The following UGT1A6 variants were observed in gnomAD, a reference collection of about 807,000 sequenced individuals.
The protein encoded by UGT1A6 is UDP glucuronosyltransferase family 1 member A6.
A neutral mutation model predicts 44.4 loss-of-function variants in UGT1A6; 32 were observed. The observed-to-expected ratio is 0.72, with a 90% CI of 0.54 to 0.97. The LOEUF (loss-of-function observed/expected upper bound fraction) is 0.97, where lower values mean the gene tolerates loss of function less well. Among genes scored for constraint, UGT1A6 ranks in the 50% least tolerant of loss-of-function variants. UGT1A6 has a pLI of 0.00. For missense variants in UGT1A6, 685 were observed against 661.9 expected (o/e 1.03, Z -0.38); for synonymous variants, 238 against 248.5 (o/e 0.96, Z 0.40).
intron 1 of UGT1A6, among the ~76,000 whole-genome samples, chr2:233,727,500 G>A (rs1156427094): frequency 6.6e-6 from 1 of 152,198 alleles, no homozygotes; most frequent in Non-Finnish European, 1.5e-5. Flanking sequence ...GAACATGGGA[G>A]CCCATGAATG....
chr2:233,747,590 G>A, intron 1 of UGT1A6: 3 of 1,576,970 alleles, frequency 1.9e-6, no homozygotes, highest in Non-Finnish European at 2.6e-6. Context: ...TCTTTCATAG[G>A]TCTTGTGTGG....
chr2:233,759,341 G>A (rs1697111060), intron 1 of UGT1A6, among the ~76,000 whole-genome samples: 1 of 152,134 alleles, frequency 6.6e-6, no homozygotes, highest in Non-Finnish European at 1.5e-5. Context: ...GTTCAGGTGA[G>A]CGCTGAAAAT....
upstream of UGT1A6, chr2:233,692,753 T>G: frequency 8.8e-7 from 1 of 1,135,016 alleles, no homozygotes. Context: ...AGCAGACTTG[T>G]GGAGCTGAAG....
At chr2:233,733,656 C>T (rs1449340604) in intron 1 of UGT1A6, among the ~76,000 whole-genome samples, 11 of 152,054 alleles carry the variant, frequency 7.2e-5, no homozygotes, top group African/African-American at 1.7e-4. Context: ...AGGATGAAGC[C>T]GACTTGATCG....
chr2:233,739,695 T>C (rs1691176781), intron 1 of UGT1A6, among the ~76,000 whole-genome samples: 1 of 152,230 alleles, frequency 6.6e-6, no homozygotes, highest in African/African-American at 2.4e-5. Flanking sequence ...TTTTTGATTT[T>C]ACAGGCTCAT....
At chr2:233,753,560 A>T (rs949425107) in intron 1 of UGT1A6, 1 of 152,242 alleles carries the variant, frequency 6.6e-6, no homozygotes, top group African/African-American at 2.4e-5. Flanking sequence ...TGACCCTAGA[A>T]GATGGGACCC....
chr2:233,763,254 T>C (rs1698269941), intron 1 of UGT1A6, among the ~76,000 whole-genome samples: 1 of 152,240 alleles, frequency 6.6e-6, no homozygotes, highest in Non-Finnish European at 1.5e-5. Context: ...TAGTAACCTG[T>C]TTTGTCTTGT....
intron 2 of UGT1A6, 91 bp from the exon 3 acceptor site, chr2:233,767,758 G>A: frequency 6.2e-7 from 1 of 1,604,004 alleles, no homozygotes. Context: ...TGTTCCTTCA[G>A]AGGACCCCTG....
chr2:233,727,759 G>T (rs2077649754), intron 1 of UGT1A6, among the ~76,000 whole-genome samples: 1 of 152,172 alleles, frequency 6.6e-6, no homozygotes. Flanking sequence ...CTGCCCTTGA[G>T]CTGGGTGTCC....
intron 4 of UGT1A6, among the ~76,000 whole-genome samples, chr2:233,768,711 T>G (rs2126041058): frequency 6.6e-6 from 1 of 151,246 alleles, no homozygotes; most frequent in South Asian, 2.1e-4. Flanking sequence ...AGCCTCCGTG[T>G]AGCTGGGATT....
At chr2:233,722,092 G>C (rs2076989612) in intron 1 of UGT1A6, 1 of 213,864 alleles carries the variant, frequency 4.7e-6, no homozygotes, top group African/African-American at 2.3e-5. Context: ...GATCACCTTA[G>C]GCCTCTTAGA....
intron 1 of UGT1A6, among the ~76,000 whole-genome samples, chr2:233,744,685 T>C (rs1692890031): frequency 6.6e-6 from 1 of 151,898 alleles, no homozygotes; most frequent in Non-Finnish European, 1.5e-5. Flanking sequence ...CCCATGTAGC[T>C]TCTGGAAAAC....
chr2:233,721,590 T>A (rs2076956234), intron 1 of UGT1A6: 1 of 172,476 alleles, frequency 5.8e-6, no homozygotes, highest in African/African-American at 2.4e-5. Context: ...TGCAACCTCA[T>A]CCTCAGGTTT....
At chr2:233,700,037 A>T (rs1478316932) in intron 1 of UGT1A6, among the ~76,000 whole-genome samples, 1 of 152,206 alleles carries the variant, frequency 6.6e-6, no homozygotes, top group Non-Finnish European at 1.5e-5. Context: ...ACTCTGATCT[A>T]AATCAATTCC....
At chr2:233,709,447 T>C (rs756561648) in intron 1 of UGT1A6, among the ~76,000 whole-genome samples, 19 of 152,250 alleles carry the variant, frequency 1.2e-4, no homozygotes, top group Non-Finnish European at 2.2e-4. Flanking sequence ...ACCTGCCGAC[T>C]TTTAAAGCAA....
At chr2:233,701,296 C>G (rs2075621546) in intron 1 of UGT1A6, among the ~76,000 whole-genome samples, 1 of 152,150 alleles carries the variant, frequency 6.6e-6, no homozygotes, top group Non-Finnish European at 1.5e-5. Flanking sequence ...AATCGCCACA[C>G]TGTCTTCCAC....
Position 233,754,852 on chromosome 2 carries a change from G to C in UGT1A6, c.862-12182G>C, listed in dbSNP as rs193246215. The C allele has an allele frequency of 1.8e-5, 24 of 1,345,428 alleles. No homozygotes were observed. In the Middle Eastern group the frequency reaches 8.4e-4, roughly 47 times the overall value. The allele number at this position is 1,345,428 out of a possible 1,614,324, so 83.3% of individuals were successfully genotyped here. ...GGAAATTCACTGAAGGCAGAGAAAA[G>C]GGGTGCAGACCCTCTGCTTCTGCTT... On this transcript the variant is annotated intron_variant, in intron 1 of 4. Coordinates refer to ENST00000305139, the MANE Select transcript of UGT1A6 (RefSeq NM_001072.4).
chr2:233,705,516 G>T (rs769825689), intron 1 of UGT1A6, among the ~76,000 whole-genome samples: 10 of 152,152 alleles, frequency 6.6e-5, no homozygotes, highest in Non-Finnish European at 1.5e-4. Flanking sequence ...AATCAGGGTG[G>T]GGAGATTACC....
chr2:233,724,362 A>G (rs1231465010), intron 1 of UGT1A6, among the ~76,000 whole-genome samples: 2 of 144,194 alleles, frequency 1.4e-5, no homozygotes, highest in Non-Finnish European at 1.5e-5. Flanking sequence ...TCCCTCCCGG[A>G]CGGGGTGGCT....
Sources: allele counts gnomAD v4.1 joint callset (sites outside exome capture counted in the v4.1 genomes callset), GRCh38; gene constraint gnomAD v4.1.1; transcripts MANE v1.5; gene names NCBI Gene and HGNC (gene_info 2026-07-23, HGNC 2026-07-21).